Variants in USP50 observed in about 807,000 individuals in gnomAD.
The protein encoded by USP50 is ubiquitin carboxyl-terminal hydrolase 50.
In USP50, 37 loss-of-function variants were observed where a neutral mutation model predicts 39.2. The ratio of observed to expected loss-of-function variants is 0.94; its 90% CI spans 0.73 to 1.24. USP50 has a LOEUF of 1.24. USP50 is among the 50% of genes most tolerant of loss of function. The pLI is 0.00. For missense variants in USP50, 374 were observed against 398.2 expected (o/e 0.94, Z 0.52); for synonymous variants, 139 against 144.5 (o/e 0.96, Z 0.27).
At chr15:50,514,718 T>A (rs943515800) in intron 6 of USP50, among the ~76,000 whole-genome samples, 1 of 151,928 alleles carries the variant, frequency 6.6e-6, no homozygotes, top group Non-Finnish European at 1.5e-5. Flanking sequence ...TTAGTAGAGA[T>A]GGGGTTTCAC....
intron 6 of USP50, among the ~76,000 whole-genome samples, chr15:50,527,717 T>G (rs1457930065): frequency 6.7e-6 from 1 of 150,018 alleles, no homozygotes; most frequent in African/African-American, 2.5e-5. Flanking sequence ...TCACTGCAAC[T>G]TCTGCCTCCT....
rs768369965 is a variant in USP50 at position 50,500,780 on chromosome 15, T to TGAC, written c.991_993dup (p.Val331dup). ...TTATCAAAGCTATATCAGGCCTGGG[T>TGAC]GACTGAATTCTTGCAGAAAGCAGTG... On this transcript the variant is annotated inframe_insertion, in exon 7 of 7. Coordinates refer to ENST00000532404, the MANE Select transcript of USP50 (RefSeq NM_203494.5). The TGAC allele has an allele frequency of 3.1e-6, 5 of 1,589,224 alleles. No individual in the cohort carries two copies. The East Asian group carries it at 1.1e-4, about 36-fold the overall frequency.
chr15:50,528,599 T>C (rs1229963490), intron 6 of USP50, among the ~76,000 whole-genome samples: 3 of 152,148 alleles, frequency 2.0e-5, no homozygotes, highest in Admixed American at 6.5e-5. Flanking sequence ...TTTGATATAA[T>C]AGAGAAGAGG....
At chr15:50,516,843 T>C (rs560414421) in intron 6 of USP50, among the ~76,000 whole-genome samples, 1 of 151,982 alleles carries the variant, frequency 6.6e-6, no homozygotes, top group Non-Finnish European at 1.5e-5. Context: ...TATATAATGA[T>C]AAAATGGTCA....
At chr15:50,546,119 G>A (rs75482899) in intron 1 of USP50, among the ~76,000 whole-genome samples, 4,551 of 151,648 alleles carry the variant, frequency 0.03, 215 homozygotes, top group African/African-American at 0.11. Flanking sequence ...ATGTCCTCTC[G>A]GATTTTTCTT....
At chr15:50,538,257 CAG>C (rs1465248520) in intron 5 of USP50, among the ~76,000 whole-genome samples, 1 of 104,364 alleles carries the variant, frequency 9.6e-6, no homozygotes, top group African/African-American at 3.9e-5. Flanking sequence ...AGCCTGGCAA[CAG>C]AGTGAGACTG....
intron 6 of USP50, among the ~76,000 whole-genome samples, chr15:50,528,744 G>A (rs989782045): frequency 2.6e-5 from 4 of 152,300 alleles, no homozygotes; most frequent in African/African-American, 7.2e-5. Context: ...GTTAAAGTGT[G>A]GAGGTATGGT....
chr15:50,513,652 C>G (rs2052769313), intron 6 of USP50: 1 of 151,650 alleles, frequency 6.6e-6, no homozygotes, highest in Non-Finnish European at 1.5e-5. Flanking sequence ...GAATAAAAGA[C>G]TTGTTTAGGC....
At chr15:50,514,286 T>C (rs1274425009) in intron 6 of USP50, 1 of 152,220 alleles carries the variant, frequency 6.6e-6, no homozygotes, top group African/African-American at 2.4e-5. Flanking sequence ...GTTAGGGTGC[T>C]GGTAACATTC....
chr15:50,513,661 G>T (rs2052769429), intron 6 of USP50: 1 of 152,024 alleles, frequency 6.6e-6, no homozygotes, highest in Non-Finnish European at 1.5e-5. Context: ...ACTTGTTTAG[G>T]CATTTCACAA....
At position 50,538,778 on chromosome 15, in the gene USP50, G is replaced by T. The variant is rs564915571; in HGVS notation, c.734C>A (p.Thr245Asn). The T allele has an allele frequency of 3.1e-6, 5 of 1,613,556 alleles. No individual in the cohort carries two copies. The South Asian group carries it at 4.4e-5, about 14-fold the overall frequency. ...GGCCCTCACAGCAGTTTCTTGCTTG[G>T]TTTCACAAAAGGAGCAGTGAATTTC... ...NNEIHCSFCE[T>N]KQETAVRASI... Residue 245 changes from threonine (T) to asparagine (N), a missense_variant, in exon 5 of 7, where the codon ACC becomes AAC. Coordinates refer to ENST00000532404, the MANE Select transcript of USP50 (RefSeq NM_203494.5).
intron 4 of USP50, among the ~76,000 whole-genome samples, chr15:50,540,121 A>T (rs1596020404): frequency 6.6e-6 from 1 of 152,348 alleles, no homozygotes; most frequent in Non-Finnish European, 1.5e-5. Context: ...GGAAGAAAAA[A>T]TGTAAATTTG....
intron 6 of USP50, chr15:50,502,652 G>A (rs566384111): frequency 6.6e-6 from 1 of 152,340 alleles, no homozygotes; most frequent in African/African-American, 2.4e-5. Flanking sequence ...TTACAGGCGT[G>A]AGCCACTGCA....
chr15:50,499,125 G>A (rs767903055), downstream of USP50: 3 of 1,533,002 alleles, frequency 2.0e-6, no homozygotes, highest in Non-Finnish European at 8.8e-7. Flanking sequence ...CTTTTAAAAG[G>A]CTCAGCAACA....
At chr15:50,544,036 A>C in intron 2 of USP50, 1 of 495,878 alleles carries the variant, frequency 2.0e-6, no homozygotes, top group Non-Finnish European at 3.7e-6. Flanking sequence ...GTCTAAAAGA[A>C]AAAAAAGGAT....
intron 6 of USP50, among the ~76,000 whole-genome samples, chr15:50,521,578 C>G (rs978473622): frequency 6.6e-6 from 1 of 151,978 alleles, no homozygotes; most frequent in African/African-American, 2.4e-5. Flanking sequence ...AAAACAACAA[C>G]AACAAAATCA....
downstream of USP50, chr15:50,498,812 G>T: frequency 6.5e-7 from 1 of 1,548,928 alleles, no homozygotes; most frequent in African/African-American, 1.4e-5. Flanking sequence ...TCATGGAAGA[G>T]TAAGAACAAC....
At chr15:50,501,714 G>GA (rs1177052786) in intron 6 of USP50, 1 of 152,118 alleles carries the variant, frequency 6.6e-6, no homozygotes, top group East Asian at 1.9e-4. Context: ...AAAGGCATTA[G>GA]AGAGGTGTAC....
At position 50,544,464 on chromosome 15, in the gene USP50, A is replaced by C. The variant is rs1596022450; in HGVS notation, c.248+123T>G. On this transcript the variant is annotated intron_variant, in intron 2 of 6. Transcript: ENST00000532404. ...ACTTACTCTAGCGTGTTATCTGGGA[A>C]GCTACAACCTCTACTGACTTGTTTG... 1.5e-5 allele frequency: 12 copies of C among 821,610 alleles called. No homozygotes were observed. In the East Asian group the frequency reaches 3.4e-4, roughly 23 times the overall value. 50.9% of individuals were successfully genotyped at this position (821,610 alleles called of 1,614,324 possible).
Sources: gnomAD v4.1 joint callset for allele counts (sites outside exome capture counted in the v4.1 genomes callset) on GRCh38, gnomAD v4.1.1 for gene constraint, MANE v1.5 for transcripts, NCBI Gene and HGNC (gene_info 2026-07-23, HGNC 2026-07-21) for gene names.